Variants in SPC24 observed in about 807,000 individuals in gnomAD.
The protein encoded by SPC24 is SPC24 component of NDC80 kinetochore complex.
Under a neutral mutation model 27.6 loss-of-function variants are expected in SPC24, and 31 were observed. The ratio of observed to expected loss-of-function variants is 1.12; its 90% CI spans 0.84 to 1.52. SPC24 has a LOEUF of 1.52. Ranked by LOEUF, SPC24 falls within the 40% of genes most tolerant of loss-of-function variation. The pLI, the probability that SPC24 is intolerant of heterozygous loss-of-function variation, is 0.00. For missense variants in SPC24, 284 were observed against 252.5 expected, an observed-to-expected ratio of 1.12 and a Z score of -0.84; for synonymous variants, 105 against 105.8, an observed-to-expected ratio of 0.99 and a Z score of 0.05.
At chr19:11,153,699 G>T (rs1465016029) in intron 1 of SPC24, among the ~76,000 whole-genome samples, 2 of 150,208 alleles carry the variant, frequency 1.3e-5, no homozygotes, top group African/African-American at 2.5e-5. Flanking sequence ...GGCATAGGTC[G>T]CAGTGAGCAG....
At chr19:11,151,650 T>C (rs8102794) in intron 1 of SPC24, among the ~76,000 whole-genome samples, 5,124 of 151,496 alleles carry the variant, frequency 0.034, 298 homozygotes, top group African/African-American at 0.12. Context: ...TGCCCTGTCA[T>C]CCAGGCTGGA....
At chr19:11,152,411 T>C (rs762178951) in intron 1 of SPC24, among the ~76,000 whole-genome samples, 3 of 152,198 alleles carry the variant, frequency 2.0e-5, no homozygotes, top group Non-Finnish European at 2.9e-5. Flanking sequence ...GGTTTCACCA[T>C]GTTGACCAGG....
chr19:11,153,023 T>C (rs1309767956), intron 1 of SPC24, among the ~76,000 whole-genome samples: 1 of 151,540 alleles, frequency 6.6e-6, no homozygotes, highest in Non-Finnish European at 1.5e-5. Flanking sequence ...CCTCATAAAA[T>C]GTGACTGTAT....
In SPC24 at chr19:11,147,908, C is replaced by CAAAGAA; in HGVS notation, c.411-15_411-14insTTCTTT. On this transcript the variant is annotated splice_polypyrimidine_tract_variant and intron_variant, in intron 3 of 4. Transcript: ENST00000592540. Reference sequence around the variant, plus strand: ...TGAGCCACGTACCTGTACAGGAAGACAAAAAAAAAAAAAAAAAAAAAAGAA... The same window carrying CAAAGAA: ...TGAGCCACGTACCTGTACAGGAAGACAAAGAAAAAAAAAAAAAAAAAAAAAAAAGAA... 9.0e-7 allele frequency: 1 copy of CAAAGAA among 1,110,320 alleles called. No homozygotes were observed. Among genetic ancestry groups the CAAAGAA allele is most frequent in the Non-Finnish European group, 1.2e-6 (1 of 823,914 alleles). 68.8% of individuals were successfully genotyped at this position (1,110,320 alleles called of 1,614,324 possible). A position where few individuals can be genotyped will look rare whatever the true frequency, so the allele number is the denominator to read the frequency against.
chr19:11,149,347 C>T, intron 1 of SPC24, 109 bp from the exon 2 acceptor site: 2 of 1,045,104 alleles, frequency 1.9e-6, no homozygotes, highest in Non-Finnish European at 2.6e-6. Context: ...CCCTTGTCTG[C>T]AGCCCTGTGT....
At position 11,149,015 on chromosome 19, in the gene SPC24, G is replaced by A. The variant is rs1374459669; in HGVS notation, c.305+79C>T. 13 of 1,349,890 alleles carry A rather than the reference G, an allele frequency of 9.6e-6. No individual in the cohort carries two copies. The East Asian group carries it at 2.8e-4, about 29-fold the overall frequency. 83.6% of individuals were successfully genotyped at this position (1,349,890 alleles called of 1,614,324 possible). ...TCCCACCTGGGCTTCCCAAAGTGCT[G>A]GGATTACAGGCTTGAGCCACTGCGC... On this transcript the variant is annotated intron_variant, in intron 2 of 4. Coordinates refer to ENST00000592540, the MANE Select transcript of SPC24 (RefSeq NM_182513.4).
At chr19:11,154,601 G>A (rs912522977) in intron 1 of SPC24, among the ~76,000 whole-genome samples, 3 of 152,112 alleles carry the variant, frequency 2.0e-5, no homozygotes, top group Non-Finnish European at 4.4e-5. Context: ...GAACCTGGAG[G>A]ACATTATGCT....
At chr19:11,147,346 G>T in intron 4 of SPC24, 57 bp from the exon 5 acceptor site, 1 of 1,234,896 alleles carries the variant, frequency 8.1e-7, no homozygotes, top group African/African-American at 1.5e-5. Context: ...CAACCCCACG[G>T]GGAAAAGGAT....
In SPC24 at chr19:11,148,106, C is replaced by A. The variant is rs771036051; in HGVS notation, c.317G>T (p.Arg106Ile). The change falls in exon 3 of 5, where the codon AGA becomes ATA. Residue 106 changes from arginine (R) to isoleucine (I), a missense_variant. Physicochemically the swap from Arg to Ile is moderately conservative, Grantham distance 97. Transcript: ENST00000592540. ...AATCTCCTTGAGCTCTTCCAGCTCT[C>A]TGGTGAGCTGAGTAGGGCAGGTCGT... ...RLKASLLQLT[R>I]ELEELKEIEA... The A allele has an allele frequency of 1.1e-5, 17 of 1,613,540 alleles. No individual in the cohort carries two copies. The highest frequency in any genetic ancestry group is 1.4e-5 in the Non-Finnish European group (16 of 1,179,664).
rs142263784 is a variant in SPC24, at chr19:11,148,480, T to C, written c.306-363A>G. Among the ~76,000 whole-genome samples the C allele has an allele frequency of 3.4e-3, 511 of 152,124 alleles. 2 individuals are homozygous for C. The highest frequency in any genetic ancestry group is 0.011 in the African/African-American group (474 of 41,510). On this transcript the variant is annotated intron_variant, in intron 2 of 4. Coordinates refer to ENST00000592540, the MANE Select transcript of SPC24 (RefSeq NM_182513.4). ...GCTTCGGCCTCCCAAAGTGCTGGGATTACAGGTGTGAGCCACCGCGCCTGG... is the reference window on the plus strand; with the variant it reads ...GCTTCGGCCTCCCAAAGTGCTGGGACTACAGGTGTGAGCCACCGCGCCTGG...
chr19:11,147,365 T>TA, intron 4 of SPC24, 76 bp from the exon 5 acceptor site: 1 of 1,055,258 alleles, frequency 9.5e-7, no homozygotes, highest in Non-Finnish European at 1.4e-6. Context: ...ATACTGCCTT[T>TA]ACTTTTTTTT....
In SPC24 at chr19:11,146,479, A is replaced by AAAAAAAAAAAAAAAAAAAAAAAAAAG. The variant is rs1283117437; in HGVS notation, c.*703_*704insCTTTTTTTTTTTTTTTTTTTTTTTTT. 6.9e-6 allele frequency: 1 copy of AAAAAAAAAAAAAAAAAAAAAAAAAAG among 144,070 alleles called. No homozygotes were observed. Among genetic ancestry groups the AAAAAAAAAAAAAAAAAAAAAAAAAAG allele is most frequent in the Non-Finnish European group, 1.5e-5 (1 of 65,638 alleles). 8.9% of individuals were successfully genotyped at this position (144,070 alleles called of 1,614,324 possible). A position where few individuals can be genotyped will look rare whatever the true frequency, so the allele number is the denominator to read the frequency against. ...AAGAAATCCAGTAAAAAAAAAAAAAAAAAAGGCCAGGCGCGGTGACTCACA... is the reference window on the plus strand; with the variant it reads ...AAGAAATCCAGTAAAAAAAAAAAAAAAAAAAAAAAAAAAAAAAAAAAAAAAGAAAAGGCCAGGCGCGGTGACTCACA... On this transcript the variant is annotated 3_prime_UTR_variant, in exon 5 of 5. Transcript: ENST00000592540.
rs1202663035 is a variant in SPC24 at position 11,147,398 on chromosome 19, T to C, written c.488-109A>G. Reference sequence around the variant, plus strand: ...TTTTTTGAGACAAAGTTTCATTCTGTAGGCCAGGCTGGAGTACAGTGGTGC... The same window carrying C: ...TTTTTTGAGACAAAGTTTCATTCTGCAGGCCAGGCTGGAGTACAGTGGTGC... On this transcript the variant is annotated intron_variant, in intron 4 of 4. Transcript: ENST00000592540. The C allele has an allele frequency of 1.2e-5, 9 of 720,330 alleles. No individual in the cohort carries two copies. The East Asian group carries it at 2.5e-4, about 20-fold the overall frequency. The allele number at this position is 720,330 out of a possible 1,614,324, so 44.6% of individuals were successfully genotyped here. A position where few individuals can be genotyped will look rare whatever the true frequency, so the allele number is the denominator to read the frequency against.
Position 11,145,623 on chromosome 19 carries a change from A to G in SPC24, c.*1560T>C, listed in dbSNP as rs764683268. ...CTCCCATTTAAATAAGTTTGTGCTG[A>G]TATCTGGCTCTGCCATCATCAGGGA... On this transcript the variant is annotated 3_prime_UTR_variant, in exon 5 of 5. Coordinates refer to ENST00000592540, the MANE Select transcript of SPC24 (RefSeq NM_182513.4). The G allele has an allele frequency of 1.3e-5, 2 of 152,134 alleles. No homozygotes were observed. The highest frequency in any genetic ancestry group is 2.9e-5 in the Non-Finnish European group (2 of 68,038). 9.4% of individuals were successfully genotyped at this position (152,134 alleles called of 1,614,324 possible).
intron 1 of SPC24, among the ~76,000 whole-genome samples, chr19:11,153,203 T>C (rs2077885433): frequency 6.6e-6 from 1 of 151,458 alleles, no homozygotes; most frequent in East Asian, 1.9e-4. Flanking sequence ...CCCAGCACTT[T>C]GGGAGGTCGG....
At position 11,146,196 on chromosome 19, in the gene SPC24, G is replaced by C. The variant is rs1242928774; in HGVS notation, c.*987C>G. On this transcript the variant is annotated 3_prime_UTR_variant, in exon 5 of 5. Coordinates refer to ENST00000592540, the MANE Select transcript of SPC24 (RefSeq NM_182513.4). ...TTTTGTGTTAATTCCTCCGTCAGCA[G>C]TGGGAGGAGAACCATGTCACTCGTA... 1.3e-5 allele frequency: 2 copies of C among 151,622 alleles called. No individual in the cohort carries two copies. The highest frequency in any genetic ancestry group is 2.9e-5 in the Non-Finnish European group (2 of 68,062). The allele number at this position is 151,622 out of a possible 1,614,324, so 9.4% of individuals were successfully genotyped here. A position where few individuals can be genotyped will look rare whatever the true frequency, so the allele number is the denominator to read the frequency against.
chr19:11,151,404 G>A (rs986570400), intron 1 of SPC24, among the ~76,000 whole-genome samples: 2 of 152,092 alleles, frequency 1.3e-5, no homozygotes, highest in South Asian at 4.1e-4. Flanking sequence ...TTCTTGATCG[G>A]TCTGGTTCGG....
chr19:11,154,357 G>A (rs2077895750), intron 1 of SPC24, among the ~76,000 whole-genome samples: 3 of 152,066 alleles, frequency 2.0e-5, no homozygotes, highest in South Asian at 4.1e-4. Context: ...TAGCCAACAT[G>A]GTGAAACCCC....
At position 11,146,054 on chromosome 19, in the gene SPC24, T is replaced by G. The variant is rs2077820883; in HGVS notation, c.*1129A>C. On this transcript the variant is annotated 3_prime_UTR_variant, in exon 5 of 5. Coordinates refer to ENST00000592540, the MANE Select transcript of SPC24 (RefSeq NM_182513.4). The stretch of plus-strand genomic sequence containing the variant: ...CAGGCATGAGCCACCACACCTGGCC[T>G]CCTTATCTTTTTAAGTCCCGGCACA... The G allele has an allele frequency of 6.6e-6, 1 of 152,158 alleles. No homozygotes were observed. The highest frequency in any genetic ancestry group is 2.4e-5 in the African/African-American group (1 of 41,424). The allele number at this position is 152,158 out of a possible 1,614,324, so 9.4% of individuals were successfully genotyped here. A position where few individuals can be genotyped will look rare whatever the true frequency, so the allele number is the denominator to read the frequency against.
Sources: allele counts gnomAD v4.1 joint callset (sites outside exome capture counted in the v4.1 genomes callset), GRCh38; gene constraint gnomAD v4.1.1; transcripts MANE v1.5; gene names NCBI Gene and HGNC (gene_info 2026-07-23, HGNC 2026-07-21).